PDE12: variants seen among roughly 807,000 people sequenced by gnomAD.
The protein encoded by PDE12 is 2',5'-phosphodiesterase 12.
Under a neutral mutation model 45.4 loss-of-function variants are expected in PDE12, and 26 were observed. The ratio of observed to expected loss-of-function variants is 0.57; its 90% CI spans 0.42 to 0.79. PDE12 has a LOEUF of 0.79. Among genes scored for constraint, PDE12 ranks in the 30% least tolerant of loss-of-function variants. PDE12 has a pLI of 0.00. For missense variants in PDE12, 668 were observed against 790.0 expected, an observed-to-expected ratio of 0.85 and a Z score of 1.85; for synonymous variants, 283 against 323.9, an observed-to-expected ratio of 0.87 and a Z score of 1.36.
At chr3:57,634,845 A>T in the PDE12 span, 2 of 1,213,748 alleles carry the variant, frequency 1.6e-6, no homozygotes, top group Non-Finnish European at 2.2e-6. Flanking sequence ...TATAAGATTT[A>T]TAATCTGTTT....
chr3:57,597,790 A>G, the PDE12 span: 24,692 of 152,418 alleles, frequency 0.16, 2,676 homozygotes, highest in East Asian at 0.48. Context: ...GGTACGCGCG[A>G]TGGGTATTCC....
At chr3:57,641,683 T>C in the PDE12 span, 26 of 1,613,030 alleles carry the variant, frequency 1.6e-5, no homozygotes, top group South Asian at 2.6e-4. Flanking sequence ...ATTCGAATAA[T>C]GTGTGGCCAG....
the PDE12 span, among the ~76,000 whole-genome samples, chr3:57,647,733 C>T: frequency 6.6e-6 from 1 of 151,680 alleles, no homozygotes; most frequent in Non-Finnish European, 1.5e-5. Context: ...AAGGAGAGCA[C>T]TCATGTGAGG....
chr3:57,609,650 C>T, the PDE12 span, among the ~76,000 whole-genome samples: 5 of 152,114 alleles, frequency 3.3e-5, no homozygotes, highest in African/African-American at 4.8e-5. Flanking sequence ...TGGATACATT[C>T]CTGGACACAT....
At chr3:57,602,362 A>G in the PDE12 span, among the ~76,000 whole-genome samples, 4 of 152,166 alleles carry the variant, frequency 2.6e-5, no homozygotes, top group African/African-American at 9.7e-5. Context: ...TAAAGTTCAC[A>G]TTCTCTAAAC....
At chr3:57,602,799 G>A in the PDE12 span, among the ~76,000 whole-genome samples, 27 of 152,012 alleles carry the variant, frequency 1.8e-4, no homozygotes, top group African/African-American at 5.3e-4. Context: ...TCCAACTCCT[G>A]ACCTCAGGTA....
chr3:57,583,426 G>A, the PDE12 span, among the ~76,000 whole-genome samples: 1 of 151,962 alleles, frequency 6.6e-6, no homozygotes, highest in African/African-American at 2.4e-5. Flanking sequence ...TCTCTTCCAT[G>A]CCAGTATTAT....
the PDE12 span, among the ~76,000 whole-genome samples, chr3:57,578,832 G>A: frequency 6.6e-6 from 1 of 151,190 alleles, no homozygotes; most frequent in African/African-American, 2.4e-5. Flanking sequence ...GAAGCAACTA[G>A]TTGAACTGTT....
the PDE12 span, among the ~76,000 whole-genome samples, chr3:57,613,280 T>TAAAA: frequency 9.1e-6 from 1 of 109,344 alleles, no homozygotes; most frequent in South Asian, 3.1e-4. Context: ...TGCCTGGCCA[T>TAAAA]AAAAAAAAAA....
At chr3:57,599,866 T>G in the PDE12 span, among the ~76,000 whole-genome samples, 1 of 151,400 alleles carries the variant, frequency 6.6e-6, no homozygotes, top group Non-Finnish European at 1.5e-5. Flanking sequence ...TTTTTTTTTT[T>G]TTTTTAATAA....
chr3:57,572,412 A>C, the PDE12 span: 2 of 732,036 alleles, frequency 2.7e-6, no homozygotes, highest in Admixed American at 2.6e-5. Flanking sequence ...ATCTCACAAA[A>C]CTCTCCCATA....
At chr3:57,579,708 A>T in the PDE12 span, among the ~76,000 whole-genome samples, 10 of 152,210 alleles carry the variant, frequency 6.6e-5, no homozygotes, top group African/African-American at 2.4e-4. Flanking sequence ...GCAAATTGTA[A>T]GTCCATTTCC....
the PDE12 span, chr3:57,577,357 G>T: frequency 1.2e-6 from 2 of 1,613,346 alleles, no homozygotes; most frequent in Admixed American, 1.7e-5. Flanking sequence ...ATTCTTTCAC[G>T]ATCGTTGCTA....
chr3:57,594,357 G>A, the PDE12 span, among the ~76,000 whole-genome samples: 1 of 152,130 alleles, frequency 6.6e-6, no homozygotes, highest in Non-Finnish European at 1.5e-5. Context: ...CAAAGTGCTG[G>A]GATAATAGGC....
chr3:57,586,930 CTGAT>C, the PDE12 span, among the ~76,000 whole-genome samples: 1 of 151,982 alleles, frequency 6.6e-6, no homozygotes, highest in Admixed American at 6.6e-5. Context: ...AACTGAGACG[CTGAT>C]TAAGAAACAC....
At chr3:57,597,270 GA>G in the PDE12 span, 2 of 887,892 alleles carry the variant, frequency 2.3e-6, no homozygotes, top group Non-Finnish European at 3.5e-6. Context: ...GAGGGAGGCA[GA>G]AACGTCTCAG....
At chr3:57,585,115 G>A in the PDE12 span, among the ~76,000 whole-genome samples, 2 of 152,036 alleles carry the variant, frequency 1.3e-5, no homozygotes, top group Admixed American at 1.3e-4. Context: ...CTGCCAGCCT[G>A]GGCCTGCCAA....
the PDE12 span, among the ~76,000 whole-genome samples, chr3:57,629,276 C>A: frequency 8.5e-5 from 13 of 152,122 alleles, no homozygotes; most frequent in African/African-American, 3.1e-4. Flanking sequence ...ATGTACACTT[C>A]GTGTTTTCGG....
At chr3:57,606,503 A>G in the PDE12 span, among the ~76,000 whole-genome samples, 1 of 152,206 alleles carries the variant, frequency 6.6e-6, no homozygotes, top group East Asian at 1.9e-4. Context: ...AGGCAAAAGA[A>G]AAATGACACC....
Sources: allele counts gnomAD v4.1 joint callset (sites outside exome capture counted in the v4.1 genomes callset), GRCh38; gene constraint gnomAD v4.1.1; transcripts MANE v1.5; gene names NCBI Gene and HGNC (gene_info 2026-07-23, HGNC 2026-07-21).